The following OR51B4 variants were observed in gnomAD, a reference collection of about 807,000 sequenced individuals.
OR51B4 encodes the protein olfactory receptor family 51 subfamily B member 4.
For missense variants in OR51B4, 402 were observed against 379.8 expected (o/e 1.06, Z -0.49); for synonymous variants, 147 against 140.8 (o/e 1.04, Z -0.31).
Position 5,301,683 on chromosome 11 carries a change from C to A in OR51B4, c.264G>T (p.Arg88Ser). The change falls in exon 1 of 1, where the codon AGG (arginine) becomes AGT (serine). Residue 88 changes from arginine to serine, a missense_variant. Transcript: ENST00000380224. ...TGAAACAGGCAGCATGGGCAATCTC[C>A]CTCTGGTCTAGCAGCAGGACACCCA... ...TVLGVLLLDQ[R>S]EIAHAACFTQ... is the part of the protein sequence containing the mutation. The A allele has an allele frequency of 4.3e-6, 7 of 1,614,152 alleles. No individual in the cohort carries two copies. The highest frequency in any genetic ancestry group is 5.9e-6 in the Non-Finnish European group (7 of 1,180,018).
chr11:5,301,148 G>A lies in OR51B4; in HGVS notation c.799C>T (p.His267Tyr). Residue 267 changes from histidine (H) to tyrosine (Y), a missense_variant, in exon 1 of 1, where the codon CAT becomes TAT. Transcript: ENST00000380224. ...FIHRFGKHAPHVVPITMSYVH... is the reference protein window; with the variant it reads ...FIHRFGKHAPYVVPITMSYVH... ...TAGCTCATGGTAATGGGGACCACAT[G>A]AGGTGCATGTTTCCCAAACCTGTGA... The A allele has an allele frequency of 6.2e-7, 1 of 1,614,036 alleles. No homozygotes were observed. The highest frequency in any genetic ancestry group is 8.5e-7 in the Non-Finnish European group (1 of 1,179,942).
At position 5,301,348 on chromosome 11, in the gene OR51B4, G is replaced by C. The variant is rs746808222; in HGVS notation, c.599C>G (p.Thr200Ser). 6.2e-7 allele frequency: 1 copy of C among 1,613,898 alleles called. No homozygotes were observed. Among genetic ancestry groups the C allele is most frequent in the Non-Finnish European group, 8.5e-7 (1 of 1,179,950 alleles). The change falls in exon 1 of 1, where the codon ACT becomes AGT. Residue 200 changes from threonine to serine, a missense_variant. Coordinates refer to ENST00000380224, the MANE Select transcript of OR51B4 (RefSeq NM_033179.2). The stretch of plus-strand genomic sequence containing the variant: ...AGCATCTAAAAAGACAGTCAAAGAA[G>C]TCTGAATAATTGGATATATGTGATT... ...TFNHIYPIIQ[T>S]SLTVFLDALI...
At position 5,301,745 on chromosome 11, in the gene OR51B4, C is replaced by A. The variant is rs1223656109; in HGVS notation, c.202G>T (p.Asp68Tyr). 16 of 1,614,002 alleles carry A rather than the reference C, an allele frequency of 9.9e-6. No individual in the cohort carries two copies. The highest frequency in any genetic ancestry group is 1.3e-5 in the Non-Finnish European group (15 of 1,179,960). ...ATTGTAGTGAATGTCATCCCAAGGTCCGTGTCTGCCAGCATAGCCAGGAAG... is the reference window on the plus strand; with the variant it reads ...ATTGTAGTGAATGTCATCCCAAGGTACGTGTCTGCCAGCATAGCCAGGAAG... ...YYFLAMLADT[D>Y]LGMTFTTMPT... The change falls in exon 1 of 1, where the codon GAC (aspartate) becomes TAC (tyrosine). Residue 68 changes from aspartate to tyrosine, a missense_variant. Transcript: ENST00000380224.
At position 5,301,898 on chromosome 11, in the gene OR51B4, C is replaced by T. The variant is rs1478723666; in HGVS notation, c.49G>A (p.Gly17Ser). 14 of 1,602,486 alleles carry T rather than the reference C, an allele frequency of 8.7e-6. No individual in the cohort carries two copies. Among genetic ancestry groups the T allele is most frequent in the Non-Finnish European group, 1.2e-5 (14 of 1,175,146 alleles). ...ATCCGGTAGTGAACTGCCTCTGAGC[C>T]CAAGAAGCCAGTCAGCAAGAAGGGG... Reference protein sequence around the residue: ...AGPFLLTGFLGSEAVHYRISM... With the variant: ...AGPFLLTGFLSSEAVHYRISM... The change falls in exon 1 of 1, where the codon GGC becomes AGC. Residue 17 changes from glycine to serine, a missense_variant. Physicochemically the swap from Gly to Ser is moderately conservative, Grantham distance 56. Transcript: ENST00000380224.
Position 5,301,909 on chromosome 11 carries a change from G to C in OR51B4, c.38C>G (p.Thr13Ser). ...YNNSAGPFLLTGFLGSEAVHY... is the reference protein window; with the variant it reads ...YNNSAGPFLLSGFLGSEAVHY... ...AACTGCCTCTGAGCCCAAGAAGCCA[G>C]TCAGCAAGAAGGGGCCAGCACTGTT... Residue 13 changes from threonine to serine, a missense_variant, in exon 1 of 1, where the codon ACT (threonine) becomes AGT (serine). Physicochemically the swap from Thr to Ser is moderately conservative, Grantham distance 58. Coordinates refer to ENST00000380224, the MANE Select transcript of OR51B4 (RefSeq NM_033179.2). 6.3e-7 allele frequency: 1 copy of C among 1,599,394 alleles called. No individual in the cohort carries two copies. The highest frequency in any genetic ancestry group is 8.5e-7 in the Non-Finnish European group (1 of 1,173,638).
At position 5,301,064 on chromosome 11, in the gene OR51B4, G is replaced by T; in HGVS notation, c.883C>A (p.Gln295Lys). The change falls in exon 1 of 1, where the codon CAG (glutamine) becomes AAG (lysine). Residue 295 changes from glutamine to lysine, a missense_variant. Gln to Lys is a moderately conservative substitution (Grantham distance 53). Transcript: ENST00000380224. ...NPIIYSIKTKQIQRSIIRLFS... is the reference protein window; with the variant it reads ...NPIIYSIKTKKIQRSIIRLFS... The stretch of plus-strand genomic sequence containing the variant: ...AGGCGAATAATGCTTCTTTGAATCT[G>T]CTTGGTCTTGATGCTATAAATGATA... 1 of 1,613,000 alleles carries T rather than the reference G, an allele frequency of 6.2e-7. No homozygotes were observed. The highest frequency in any genetic ancestry group is 8.5e-7 in the Non-Finnish European group (1 of 1,179,624).
chr11:5,301,625 C>G lies in OR51B4; in HGVS notation c.322G>C (p.Glu108Gln), dbSNP rs1848496989. The G allele has an allele frequency of 6.2e-7, 1 of 1,614,162 alleles. No homozygotes were observed. Among genetic ancestry groups the G allele is most frequent in the African/African-American group, 1.3e-5 (1 of 75,040 alleles). Residue 108 changes from glutamate to glutamine, a missense_variant, in exon 1 of 1, where the codon GAA (glutamate) becomes CAA (glutamine). Glu to Gln is a conservative substitution (Grantham distance 29, BLOSUM62 2). Coordinates refer to ENST00000380224, the MANE Select transcript of OR51B4 (RefSeq NM_033179.2). ...GCCAAAACAAGCAAGATACCTGATT[C>G]TACAATGGCCAGTGAATGAATGAAG... ...QSFIHSLAIVESGILLVLAYD... is the reference protein window; with the variant it reads ...QSFIHSLAIVQSGILLVLAYD...
At position 5,301,537 on chromosome 11, in the gene OR51B4, C is replaced by T. The variant is rs754799587; in HGVS notation, c.410G>A (p.Arg137Gln). 31 of 1,613,998 alleles carry T rather than the reference C, an allele frequency of 1.9e-5. No individual in the cohort carries two copies. Among genetic ancestry groups the T allele is most frequent in the African/African-American group, 5.3e-5 (4 of 74,898 alleles). The change falls in exon 1 of 1, where the codon CGA becomes CAA. Residue 137 changes from arginine (R) to glutamine (Q), a missense_variant. Physicochemically the swap from Arg to Gln is conservative, Grantham distance 43. Coordinates refer to ENST00000380224, the MANE Select transcript of OR51B4 (RefSeq NM_033179.2). ...TACCCCCAGTCCTATGTTCATCACTCGGGAATTGGTAAGAATGCAGTTGTA... is the reference window on the plus strand; with the variant it reads ...TACCCCCAGTCCTATGTTCATCACTTGGGAATTGGTAAGAATGCAGTTGTA... ...LRYNCILTNS[R>Q]VMNIGLGVLM...
Position 5,301,605 on chromosome 11 carries a change from A to ACACC in OR51B4, c.341_342insGGTG (p.Leu115ValfsTer5). The ACACC allele has an allele frequency of 6.2e-7, 1 of 1,614,180 alleles. No individual in the cohort carries two copies. Among genetic ancestry groups the ACACC allele is most frequent in the Non-Finnish European group, 8.5e-7 (1 of 1,180,038 alleles). On this transcript the variant is annotated frameshift_variant, in exon 1 of 1. Transcript: ENST00000380224. LOFTEE classifies it low-confidence loss of function (END_TRUNC). ...TGGCAATGAAACAGTCATAGGCCAA[A>ACACC]ACAAGCAAGATACCTGATTCTACAA...
rs760642276 is a variant in OR51B4, at chr11:5,301,279, A to T, written c.668T>A (p.Met223Lys). Residue 223 changes from methionine to lysine, a missense_variant, in exon 1 of 1, where the codon ATG becomes AAG. Met to Lys is a moderately conservative substitution (Grantham distance 95). Transcript: ENST00000380224. ...FSYILILKTV[M>K]GIASGQEEAK... is the part of the protein sequence containing the mutation. ...TTCCTCTTGTCCAGACGCAATGCCCATCACTGTCTTGAGGATTAGTATATA... is the reference window on the plus strand; with the variant it reads ...TTCCTCTTGTCCAGACGCAATGCCCTTCACTGTCTTGAGGATTAGTATATA... 1.2e-6 allele frequency: 2 copies of T among 1,614,004 alleles called. No individual in the cohort carries two copies. Among genetic ancestry groups the T allele is most frequent in the Admixed American group, 1.7e-5 (1 of 59,968 alleles).
Position 5,301,556 on chromosome 11 carries a change from A to C in OR51B4, c.391T>G (p.Cys131Gly). Reference sequence around the variant, plus strand: ...ATCACTCGGGAATTGGTAAGAATGCAGTTGTACCTCAGTGGTGTGCGGATG... The same window carrying C: ...ATCACTCGGGAATTGGTAAGAATGCCGTTGTACCTCAGTGGTGTGCGGATG... Reference protein sequence around the residue: ...IAIRTPLRYNCILTNSRVMNI... With the variant: ...IAIRTPLRYNGILTNSRVMNI... Residue 131 changes from cysteine (C) to glycine (G), a missense_variant, in exon 1 of 1, where the codon TGC becomes GGC. Coordinates refer to ENST00000380224, the MANE Select transcript of OR51B4 (RefSeq NM_033179.2). The C allele has an allele frequency of 1.2e-6, 2 of 1,614,206 alleles. No individual in the cohort carries two copies. Among genetic ancestry groups the C allele is most frequent in the Non-Finnish European group, 1.7e-6 (2 of 1,180,030 alleles).
Position 5,301,202 on chromosome 11 carries a change from G to A in OR51B4, c.745C>T (p.His249Tyr). 6.2e-7 allele frequency: 1 copy of A among 1,614,048 alleles called. No homozygotes were observed. Among genetic ancestry groups the A allele is most frequent in the Non-Finnish European group, 8.5e-7 (1 of 1,179,992 alleles). ...VSHISCVLVFHITVMGLSFIH... is the reference protein window; with the variant it reads ...VSHISCVLVFYITVMGLSFIH... ...AATGACAGTCCCATCACAGTGATGT[G>A]AAATACTAGGACACAGCTAATATGG... The change falls in exon 1 of 1, where the codon CAC becomes TAC. Residue 249 changes from histidine (H) to tyrosine (Y), a missense_variant. Physicochemically the swap from His to Tyr is moderately conservative, Grantham distance 83. Transcript: ENST00000380224.
At position 5,301,838 on chromosome 11, in the gene OR51B4, G is replaced by C; in HGVS notation, c.109C>G (p.Leu37Val). 6.2e-7 allele frequency: 1 copy of C among 1,614,066 alleles called. No individual in the cohort carries two copies. Among genetic ancestry groups the C allele is most frequent in the South Asian group, 1.1e-5 (1 of 91,054 alleles). ...MSFFVIYFSV[L>V]FGNGTLLVLI... is the part of the protein sequence containing the mutation. ...ACAAGAAGAGTGCCATTTCCAAAAA[G>C]GACGGAGAAGTAGATGACAAAGAAG... Residue 37 changes from leucine (L) to valine (V), a missense_variant, in exon 1 of 1, where the codon CTT becomes GTT. Leu to Val is a conservative substitution (Grantham distance 32). Coordinates refer to ENST00000380224, the MANE Select transcript of OR51B4 (RefSeq NM_033179.2).
rs572660091 is a variant in OR51B4, at chr11:5,301,257, C to A, written c.690G>T (p.Glu230Asp). ...CACAAGTGTTGAGAGATTTAGCTTC[C>A]TCTTGTCCAGACGCAATGCCCATCA... ...KTVMGIASGQ[E>D]EAKSLNTCVS... The change falls in exon 1 of 1, where the codon GAG becomes GAT. Residue 230 changes from glutamate (E) to aspartate (D), a missense_variant. Glu to Asp is a conservative substitution (Grantham distance 45). Transcript: ENST00000380224. 1 of 1,613,890 alleles carries A rather than the reference C, an allele frequency of 6.2e-7. No individual in the cohort carries two copies. The highest frequency in any genetic ancestry group is 8.5e-7 in the Non-Finnish European group (1 of 1,179,894).
rs1848495165 is a variant in OR51B4, at chr11:5,301,464, G to A, written c.483C>T (p.Tyr161=). The change falls in exon 1 of 1, where the codon TAC becomes TAT. Residue 161 remains tyrosine, a synonymous_variant. Coordinates refer to ENST00000380224, the MANE Select transcript of OR51B4 (RefSeq NM_033179.2). ...MSILPIILSL[Y]CYPYCGSRAL... is the part of the protein sequence containing the mutation. ...CACGGGAACCACAATATGGGTAGCA[G>A]TAGAGTGAAAGAATTATGGGCAAAA... 4 of 1,614,224 alleles carry A rather than the reference G, an allele frequency of 2.5e-6. No individual in the cohort carries two copies. Among genetic ancestry groups the A allele is most frequent in the Non-Finnish European group, 3.4e-6 (4 of 1,180,034 alleles).
In OR51B4 at chr11:5,301,420, C is replaced by CA; in HGVS notation, c.526dup (p.Cys176LeufsTer13). On this transcript the variant is annotated frameshift_variant, in exon 1 of 1. Transcript: ENST00000380224. LOFTEE classifies it low-confidence loss of function (END_TRUNC). ...GAGTTTTATGACATCTTGATGGAGGCAAAATGTGTGCAAGAGGGCACGGGA... is the reference window on the plus strand; with the variant it reads ...GAGTTTTATGACATCTTGATGGAGGCAAAAATGTGTGCAAGAGGGCACGGGA... 6.2e-7 allele frequency: 1 copy of CA among 1,614,064 alleles called. No homozygotes were observed. Among genetic ancestry groups the CA allele is most frequent in the Non-Finnish European group, 8.5e-7 (1 of 1,180,016 alleles).
rs751948478 is a variant in OR51B4 at position 5,301,312 on chromosome 11, A to C, written c.635T>G (p.Ile212Ser). Residue 212 changes from isoleucine to serine, a missense_variant, in exon 1 of 1, where the codon ATC becomes AGC. By Grantham distance (142) the Ile-to-Ser change is moderately radical (BLOSUM62 -2). Transcript: ENST00000380224. Reference sequence around the variant, plus strand: ...CTTGAGGATTAGTATATAAGAAAAGATGATGATTAGAGCATCTAAAAAGAC... The same window carrying C: ...CTTGAGGATTAGTATATAAGAAAAGCTGATGATTAGAGCATCTAAAAAGAC... ...LTVFLDALII[I>S]FSYILILKTV... 6.2e-6 allele frequency: 10 copies of C among 1,614,142 alleles called. No homozygotes were observed. The South Asian group carries it at 1.1e-4, about 18-fold the overall frequency.
chr11:5,301,939 T>TA lies in OR51B4; in HGVS notation c.7dup (p.Tyr3LeufsTer2), dbSNP rs1388208085. The TA allele has an allele frequency of 3.5e-5, 54 of 1,551,696 alleles. 1 individual carries two copies. In the East Asian group the frequency reaches 1.2e-3, roughly 35 times the overall value. ...CAAGAAGGGGCCAGCACTGTTGTTA[T>TA]ACCACATGGTAGGTTTTGCAGGTGG... On this transcript the variant is annotated frameshift_variant, in exon 1 of 1. Coordinates refer to ENST00000380224, the MANE Select transcript of OR51B4 (RefSeq NM_033179.2). LOFTEE classifies it low-confidence loss of function (END_TRUNC).
At position 5,301,669 on chromosome 11, in the gene OR51B4, G is replaced by T. The variant is rs147884776; in HGVS notation, c.278C>A (p.Ala93Asp). The change falls in exon 1 of 1, where the codon GCT becomes GAT. Residue 93 changes from alanine to aspartate, a missense_variant. Transcript: ENST00000380224. Reference sequence around the variant, plus strand: ...AATGAAGGATTGGGTGAAACAGGCAGCATGGGCAATCTCCCTCTGGTCTAG... The same window carrying T: ...AATGAAGGATTGGGTGAAACAGGCATCATGGGCAATCTCCCTCTGGTCTAG... ...LLLDQREIAH[A>D]ACFTQSFIHS... 4 of 1,614,068 alleles carry T rather than the reference G, an allele frequency of 2.5e-6. No individual in the cohort carries two copies. Among genetic ancestry groups the T allele is most frequent in the African/African-American group, 2.7e-5 (2 of 74,928 alleles).
Sources: allele counts gnomAD v4.1 joint callset, GRCh38; gene constraint gnomAD v4.1.1; transcripts MANE v1.5; gene names NCBI Gene and HGNC (gene_info 2026-07-23, HGNC 2026-07-21).